Variants in ZSCAN5C observed in about 807,000 individuals in gnomAD.
The protein encoded by ZSCAN5C is zinc finger and SCAN domain-containing protein 5C.
In ZSCAN5C, 11 loss-of-function variants were observed where a neutral mutation model predicts 17.3. The observed-to-expected ratio is 0.64, with a 90% confidence interval of 0.40 to 1.06. The LOEUF (loss-of-function observed/expected upper bound fraction) is 1.06, where lower values mean the gene tolerates loss of function less well. ZSCAN5C is among the 50% of genes least tolerant of loss of function. The pLI is 0.00. For missense variants in ZSCAN5C, 698 were observed against 538.9 expected (o/e 1.30, Z -2.92); for synonymous variants, 229 against 208.4 (o/e 1.10, Z -0.85).
At chr19:56,203,726 C>T (rs1243325117) in intron 1 of ZSCAN5C, among the ~76,000 whole-genome samples, 1 of 149,318 alleles carries the variant, frequency 6.7e-6, no homozygotes, top group Non-Finnish European at 1.5e-5. Flanking sequence ...CTCTGTTCAC[C>T]ACAACCTCTG....
chr19:56,203,364 T>C lies in ZSCAN5C; in HGVS notation c.-128+1042T>C, dbSNP rs796573579. 2.3e-4 allele frequency among the ~76,000 whole-genome samples: 35 copies of C among 152,044 alleles called. 1 individual carries two copies. Among genetic ancestry groups the C allele is most frequent in the African/African-American group, 8.5e-4 (35 of 41,314 alleles). On this transcript the variant is annotated intron_variant, in intron 1 of 4. Coordinates refer to ENST00000534327, the Ensembl canonical transcript of ZSCAN5C. ...GTACAGCATAATGTGCTTTGCAGGA[T>C]AGAAACAATGTAAAATGGGTAAATT...
exon 2 of ZSCAN5C, chr19:56,205,847 G>C: frequency 2.8e-6 from 2 of 709,878 alleles, no homozygotes; most frequent in South Asian, 3.3e-5. Flanking sequence ...GTGTATATAG[G>C]TCGCAATTAG....
At chr19:56,207,140 G>A in exon 3 of ZSCAN5C, 1 of 777,346 alleles carries the variant, frequency 1.3e-6, no homozygotes, top group South Asian at 1.4e-5. Flanking sequence ...CAGTGTCAGA[G>A]ATGATCCGAG....
At chr19:56,208,555 G>A (rs750118676) in exon 5 of ZSCAN5C, 16 of 1,590,558 alleles carry the variant, frequency 1.0e-5, no homozygotes, top group African/African-American at 2.7e-5. Flanking sequence ...GAGAAGCTTC[G>A]ACTCACAGCG....
chr19:56,204,466 G>A (rs1010671761), intron 1 of ZSCAN5C, among the ~76,000 whole-genome samples: 12 of 151,624 alleles, frequency 7.9e-5, no homozygotes, highest in East Asian at 7.7e-4. Context: ...GATGAGTGAT[G>A]ACGAGCACCT....
At chr19:56,207,507 TAACG>T (rs2032936960) in intron 3 of ZSCAN5C, among the ~76,000 whole-genome samples, 1 of 151,336 alleles carries the variant, frequency 6.6e-6, no homozygotes, top group Non-Finnish European at 1.5e-5. Context: ...CTCGGTGAAA[TAACG>T]GAGGCAGTTG....
intron 1 of ZSCAN5C, among the ~76,000 whole-genome samples, chr19:56,202,650 C>A (rs950733058): frequency 1.2e-4 from 18 of 151,898 alleles, no homozygotes; most frequent in African/African-American, 4.4e-4. Flanking sequence ...AATTCCCGGA[C>A]TCAAACGATC....
rs2032881255 is a variant in ZSCAN5C at position 56,202,328 on chromosome 19, T to C, written c.-128+6T>C. The C allele has an allele frequency of 6.6e-6, 1 of 152,308 alleles. No individual in the cohort carries two copies. The highest frequency in any genetic ancestry group is 1.5e-5 in the Non-Finnish European group (1 of 68,360). 9.4% of individuals were successfully genotyped at this position (152,308 alleles called of 1,614,324 possible). The stretch of plus-strand genomic sequence containing the variant: ...AGGCAGAAGTCAGGAAGGAGGTAAG[T>C]GTCCACTGGGGATGTCTGTGGGGTT... On this transcript the variant is annotated splice_donor_region_variant and intron_variant, in intron 1 of 4. Transcript: ENST00000534327.
intron 1 of ZSCAN5C, among the ~76,000 whole-genome samples, chr19:56,204,376 C>A (rs1031964957): frequency 1.3e-5 from 2 of 151,558 alleles, no homozygotes; most frequent in Admixed American, 6.6e-5. Flanking sequence ...CACCAACACT[C>A]GTTCCATGTG....
In ZSCAN5C at chr19:56,208,143, C is replaced by T. The variant is rs1223375826; in HGVS notation, c.698C>T (p.Pro233Leu). 2.8e-5 allele frequency: 22 copies of T among 779,634 alleles called. No homozygotes were observed. The East Asian group carries it at 5.1e-4, about 18-fold the overall frequency. 48.3% of individuals were successfully genotyped at this position (779,634 alleles called of 1,614,324 possible). A position where few individuals can be genotyped will look rare whatever the true frequency, so the allele number is the denominator to read the frequency against. The change falls in exon 4 of 5, where the codon CCA becomes CTA. Residue 233 changes from proline (P) to leucine (L), a missense_variant. By Grantham distance (98) the Pro-to-Leu change is moderately conservative (BLOSUM62 -3). Coordinates refer to ENST00000534327, the Ensembl canonical transcript of ZSCAN5C. ...CTGGAGGAAGACAGGGAGGAGAACC[C>T]AGGACTTACATCCCCAGAGCCTCAG...
At position 56,207,887 on chromosome 19, in the gene ZSCAN5C, G is replaced by A. The variant is rs148866992; in HGVS notation, c.589-147G>A. On this transcript the variant is annotated intron_variant, in intron 3 of 4. Transcript: ENST00000534327. Reference sequence around the variant, plus strand: ...AGGGGCAAGGAGATGCTGGCACAGCGGGGAGAAATATGCCCAGAGAACCAA... The same window carrying A: ...AGGGGCAAGGAGATGCTGGCACAGCAGGGAGAAATATGCCCAGAGAACCAA... The A allele has an allele frequency of 6.4e-4, 385 of 601,844 alleles. 4 individuals carry two copies. The highest frequency in any genetic ancestry group is 4.4e-3 in the African/African-American group (237 of 53,438). 37.3% of individuals were successfully genotyped at this position (601,844 alleles called of 1,614,324 possible).
At chr19:56,204,944 T>G (rs2032905308) in intron 1 of ZSCAN5C, among the ~76,000 whole-genome samples, 1 of 151,732 alleles carries the variant, frequency 6.6e-6, no homozygotes, top group South Asian at 2.1e-4. Context: ...TTTAAAAATC[T>G]TATTATTGTA....
chr19:56,206,785 C>T (rs1298877512), intron 2 of ZSCAN5C, among the ~76,000 whole-genome samples: 4 of 115,092 alleles, frequency 3.5e-5, no homozygotes, highest in African/African-American at 1.2e-4. Context: ...CCTCCAGGTC[C>T]GCACATGAGC....
At chr19:56,207,334 A>T in intron 3 of ZSCAN5C, 72 bp downstream of exon 3, 2 of 663,930 alleles carry the variant, frequency 3.0e-6, no homozygotes, top group Non-Finnish European at 5.6e-6. Context: ...TGGCCACTGG[A>T]CTGATTGAGA....
intron 3 of ZSCAN5C, among the ~76,000 whole-genome samples, 190 bp from the exon 4 acceptor site, chr19:56,207,844 C>T (rs1393809406): frequency 2.0e-5 from 3 of 151,918 alleles, no homozygotes; most frequent in Non-Finnish European, 1.5e-5. Context: ...CACCTAGAGT[C>T]ATGCTCCTTC....
rs201923448 is a variant in ZSCAN5C at position 56,207,109 on chromosome 19, G to C, written c.435G>C (p.Val145=). The C allele has an allele frequency of 1.1e-4, 84 of 754,054 alleles. 4 individuals are homozygous for C. Among genetic ancestry groups the C allele is most frequent in the Middle Eastern group, 2.3e-4 (1 of 4,418 alleles). 46.7% of individuals were successfully genotyped at this position (754,054 alleles called of 1,614,324 possible). Residue 145 remains valine (V), a synonymous_variant, in exon 3 of 5, where the codon GTG becomes GTC. Transcript: ENST00000534327. ...AATATCTTATGCAGGAATCAGATGT[G>C]GAGATGGCTGAAGCCCCCGCCAGTG...
At chr19:56,204,814 C>A (rs946365837) in intron 1 of ZSCAN5C, among the ~76,000 whole-genome samples, 2 of 152,058 alleles carry the variant, frequency 1.3e-5, no homozygotes, top group South Asian at 4.1e-4. Context: ...TTGCTTCCCC[C>A]ACCTGTGTCT....
chr19:56,206,225 C>A (rs1379416854), exon 2 of ZSCAN5C: 3 of 1,579,504 alleles, frequency 1.9e-6, no homozygotes, highest in East Asian at 2.3e-5. Context: ...AGGTCTTAGT[C>A]ATGATGAACG....
At chr19:56,209,345 TC>T (rs1229656453), downstream of ZSCAN5C, 5 of 495,642 alleles carry the variant, frequency 1.0e-5, no homozygotes, top group East Asian at 1.5e-4. Flanking sequence ...TTTGTTTAAA[TC>T]TTTTTCCTCC....
Sources: allele counts gnomAD v4.1 joint callset (sites outside exome capture counted in the v4.1 genomes callset), GRCh38; gene constraint gnomAD v4.1.1; transcripts MANE v1.5; gene names NCBI Gene and HGNC (gene_info 2026-07-23, HGNC 2026-07-21).